NRXN3: variants seen among roughly 807,000 people sequenced by gnomAD.
NRXN3 encodes neurexin 3.
In NRXN3, 32 loss-of-function variants were observed where a neutral mutation model predicts 137.6. The observed-to-expected ratio is 0.23, with a 90% CI of 0.18 to 0.31. The LOEUF (loss-of-function observed/expected upper bound fraction) is 0.31, where lower values mean the gene tolerates loss of function less well. Ranked by LOEUF, NRXN3 falls within the 10% of genes least tolerant of loss-of-function variation. The pLI is 1.00. For missense variants in NRXN3, 1,574 were observed against 2,062.5 expected, an observed-to-expected ratio of 0.76 and a Z score of 4.59; for synonymous variants, 798 against 784.5, an observed-to-expected ratio of 1.02 and a Z score of -0.29.
chr14:79,517,896 C>CTTTTTTTTT (rs34241975), intron 16 of NRXN3, among the ~76,000 whole-genome samples: 25 of 73,362 alleles, frequency 3.4e-4, no homozygotes, highest in East Asian at 4.8e-4. Flanking sequence ...CCTGACTTTC[C>CTTTTTTTTT]TTTTTTTTTT....
intron 4 of NRXN3, among the ~76,000 whole-genome samples, chr14:78,375,896 T>C (rs1461625619): frequency 6.6e-6 from 1 of 152,100 alleles, no homozygotes; most frequent in Non-Finnish European, 1.5e-5. Context: ...GCTTTTCCCC[T>C]TCTCATGACT....
chr14:78,523,816 CAAAAAAA>C (rs56083130), intron 4 of NRXN3, among the ~76,000 whole-genome samples: 30 of 61,574 alleles, frequency 4.9e-4, no homozygotes, highest in South Asian at 3.4e-3. Flanking sequence ...GACTCTGTCT[CAAAAAAA>C]AAAAAAAAAA....
At chr14:79,541,844 G>C (rs1482361331) in intron 16 of NRXN3, among the ~76,000 whole-genome samples, 2 of 152,186 alleles carry the variant, frequency 1.3e-5, no homozygotes, top group Non-Finnish European at 2.9e-5. Context: ...GTCTCAGCTA[G>C]AGGGTGTTGG....
intron 4 of NRXN3, among the ~76,000 whole-genome samples, chr14:78,518,328 G>A (rs2096240803): frequency 1.3e-5 from 2 of 152,100 alleles, no homozygotes; most frequent in South Asian, 4.1e-4. Flanking sequence ...CACCCACCTG[G>A]AAGGATTGCA....
At chr14:79,128,076 G>A (rs1326345684) in intron 15 of NRXN3, among the ~76,000 whole-genome samples, 3 of 150,828 alleles carry the variant, frequency 2.0e-5, no homozygotes, top group Non-Finnish European at 2.9e-5. Context: ...GAGATTTTGG[G>A]CTGAGACAGT....
At chr14:79,181,079 T>C (rs2062872962) in intron 15 of NRXN3, among the ~76,000 whole-genome samples, 1 of 149,854 alleles carries the variant, frequency 6.7e-6, no homozygotes, top group Admixed American at 6.7e-5. Flanking sequence ...TATATATATA[T>C]ATATGCACAC....
At chr14:79,504,074 C>T (rs1381219694) in intron 16 of NRXN3, among the ~76,000 whole-genome samples, 1 of 152,154 alleles carries the variant, frequency 6.6e-6, no homozygotes. Flanking sequence ...TATATTCCTA[C>T]TATAATGTAC....
intron 4 of NRXN3, among the ~76,000 whole-genome samples, chr14:78,498,560 G>A (rs1321589738): frequency 6.6e-6 from 1 of 152,118 alleles, no homozygotes. Context: ...TGGGGGTAGG[G>A]ATAATAAATG....
intron 20 of NRXN3, among the ~76,000 whole-genome samples, chr14:79,845,636 G>C (rs1409633149): frequency 7.0e-6 from 1 of 142,646 alleles, no homozygotes; most frequent in Non-Finnish European, 1.5e-5. Flanking sequence ...GAGAGAGACG[G>C]AGACGGGGAG....
At chr14:79,340,465 T>C (rs1414206388) in intron 15 of NRXN3, among the ~76,000 whole-genome samples, 1 of 152,108 alleles carries the variant, frequency 6.6e-6, no homozygotes, top group Admixed American at 6.5e-5. Flanking sequence ...TATTTACGTA[T>C]GTATGTATGT....
At chr14:78,345,495 GCAGAAAA>G in intron 4 of NRXN3, among the ~76,000 whole-genome samples, 1 of 152,294 alleles carries the variant, frequency 6.6e-6, no homozygotes, top group East Asian at 1.9e-4. Context: ...GGTAGCAGCT[GCAGAAAA>G]GAGCATTTTC....
intron 16 of NRXN3, among the ~76,000 whole-genome samples, chr14:79,646,590 G>A (rs931029520): frequency 7.4e-6 from 1 of 134,656 alleles, no homozygotes; most frequent in African/African-American, 2.5e-5. Flanking sequence ...TGACATTCCC[G>A]AAAATGTACC....
chr14:79,745,706 G>C lies in NRXN3; in HGVS notation c.4014+47769G>C, dbSNP rs1320974481. On this transcript the variant is annotated intron_variant, in intron 19 of 20. Coordinates refer to ENST00000335750, the MANE Select transcript of NRXN3 (RefSeq NM_001330195.2). ...AACAACTGAAATGTATTATCTCATA[G>C]TTACAAAGTCTAGAAGTCTCAAAAC... Among the ~76,000 whole-genome samples, 3 of 152,218 alleles carry C rather than the reference G, an allele frequency of 2.0e-5. No homozygotes were observed. The East Asian group carries it at 5.8e-4, about 29-fold the overall frequency.
chr14:78,471,287 ACT>A (rs1370820350), intron 4 of NRXN3, among the ~76,000 whole-genome samples: 1 of 121,558 alleles, frequency 8.2e-6, no homozygotes, highest in Non-Finnish European at 1.7e-5. Flanking sequence ...TCTTCAACAC[ACT>A]CAACACACAC....
At chr14:79,091,479 T>C (rs2049181356) in intron 15 of NRXN3, among the ~76,000 whole-genome samples, 1 of 152,142 alleles carries the variant, frequency 6.6e-6, no homozygotes, top group Non-Finnish European at 1.5e-5. Context: ...CCCCTTTCCC[T>C]ATTCCTGCTT....
chr14:79,213,845 G>T (rs184720157), intron 15 of NRXN3, among the ~76,000 whole-genome samples: 46 of 152,258 alleles, frequency 3.0e-4, no homozygotes, highest in Non-Finnish European at 5.4e-4. Flanking sequence ...CCTTGTGATG[G>T]CCATAATGTA....
chr14:79,847,013 A>C (rs565994958), intron 20 of NRXN3, among the ~76,000 whole-genome samples: 1 of 152,350 alleles, frequency 6.6e-6, no homozygotes, highest in South Asian at 2.1e-4. Flanking sequence ...GAAAGTGCTT[A>C]AAAATTCTAA....
chr14:78,287,312 A>C (rs548623368), intron 3 of NRXN3, among the ~76,000 whole-genome samples: 6 of 152,166 alleles, frequency 3.9e-5, no homozygotes, highest in Non-Finnish European at 7.3e-5. Context: ...TAAAGCCATC[A>C]TGATGATACA....
At chr14:79,667,426 T>C (rs2098567701) in intron 17 of NRXN3, among the ~76,000 whole-genome samples, 2 of 152,030 alleles carry the variant, frequency 1.3e-5, no homozygotes, top group South Asian at 2.1e-4. Context: ...ATGAGTCAGC[T>C]GTGCACCGGG....
Sources: gnomAD v4.1 joint callset for allele counts (sites outside exome capture counted in the v4.1 genomes callset) on GRCh38, gnomAD v4.1.1 for gene constraint, MANE v1.5 for transcripts, NCBI Gene and HGNC (gene_info 2026-07-23, HGNC 2026-07-21) for gene names.